The following ASIC2 variants were observed in gnomAD, a reference collection of about 807,000 sequenced individuals.
The protein encoded by ASIC2 is acid sensing ion channel subunit 2, also known as acid-sensing ion channel 2.
A neutral mutation model predicts 57.3 loss-of-function variants in ASIC2; 25 were observed. The observed-to-expected ratio is 0.44, with a 90% CI of 0.32 to 0.61. The LOEUF is 0.61. Among genes scored for constraint, ASIC2 ranks in the 20% least tolerant of loss-of-function variants. The probability of loss-of-function intolerance (pLI) is 0.06; values close to 1 mark genes in which losing one functional copy is unlikely to be tolerated. For synonymous variants in ASIC2, 319 were observed against 307.5 expected, an observed-to-expected ratio of 1.04 and a Z score of -0.39; for missense variants, 641 against 738.1, an observed-to-expected ratio of 0.87 and a Z score of 1.52.
chr17:33,477,853 G>T (rs151236958), intron 1 of ASIC2, among the ~76,000 whole-genome samples: 2 of 152,316 alleles, frequency 1.3e-5, no homozygotes, highest in African/African-American at 4.8e-5. Context: ...GTCATTTCAG[G>T]CAGAGAAAGA....
chr17:33,879,347 T>A (rs964359957), intron 1 of ASIC2, among the ~76,000 whole-genome samples: 4 of 152,214 alleles, frequency 2.6e-5, no homozygotes, highest in African/African-American at 9.7e-5. Context: ...ATCAGTGTGC[T>A]CTATTCAGAA....
chr17:33,148,438 A>G (rs1204172502), intron 1 of ASIC2, among the ~76,000 whole-genome samples: 1 of 152,202 alleles, frequency 6.6e-6, no homozygotes, highest in African/African-American at 2.4e-5. Flanking sequence ...TCACCTAAAC[A>G]TTAGGATGTG....
At chr17:33,505,636 G>A (rs989022205) in intron 1 of ASIC2, among the ~76,000 whole-genome samples, 7 of 152,180 alleles carry the variant, frequency 4.6e-5, no homozygotes, top group African/African-American at 9.7e-5. Flanking sequence ...TCTGGCTTCT[G>A]CCATATCCTC....
At chr17:33,029,585 T>C (rs2091872762) in intron 3 of ASIC2, among the ~76,000 whole-genome samples, 1 of 152,276 alleles carries the variant, frequency 6.6e-6, no homozygotes, top group African/African-American at 2.4e-5. Flanking sequence ...AAAAAACTCC[T>C]ATGAATATTT....
chr17:34,001,143 T>C (rs1445473429), intron 1 of ASIC2: 1 of 152,248 alleles, frequency 6.6e-6, no homozygotes, highest in Non-Finnish European at 1.5e-5. Context: ...TTTCTATGAA[T>C]ATACATAATC....
chr17:33,143,064 G>A (rs1238082917), intron 1 of ASIC2, among the ~76,000 whole-genome samples: 1 of 152,204 alleles, frequency 6.6e-6, no homozygotes, highest in African/African-American at 2.4e-5. Context: ...ACCCAAAGAA[G>A]GATGTGATTG....
intron 1 of ASIC2, among the ~76,000 whole-genome samples, chr17:33,232,430 G>C (rs1346945812): frequency 6.7e-6 from 1 of 150,008 alleles, no homozygotes; most frequent in African/African-American, 2.5e-5. Context: ...GTATGGTATG[G>C]TATGGTATGG....
chr17:33,436,405 C>A (rs1032029312), intron 1 of ASIC2, among the ~76,000 whole-genome samples: 1 of 152,178 alleles, frequency 6.6e-6, no homozygotes, highest in Non-Finnish European at 1.5e-5. Context: ...ATCACCATTA[C>A]AGAACTGAAG....
chr17:34,138,820 A>T (rs1912193665), intron 1 of ASIC2, among the ~76,000 whole-genome samples: 1 of 152,158 alleles, frequency 6.6e-6, no homozygotes, highest in Non-Finnish European at 1.5e-5. Flanking sequence ...TGAATACCTT[A>T]TCCCTTGTCC....
chr17:33,756,015 G>A (rs1293835604), intron 1 of ASIC2, among the ~76,000 whole-genome samples: 2 of 152,244 alleles, frequency 1.3e-5, no homozygotes, highest in Non-Finnish European at 2.9e-5. Flanking sequence ...GCGCATGTGT[G>A]CATGGTCAGT....
chr17:33,812,109 A>C (rs1008719674), intron 1 of ASIC2, among the ~76,000 whole-genome samples: 1 of 152,040 alleles, frequency 6.6e-6, no homozygotes, highest in Non-Finnish European at 1.5e-5. Context: ...CTAATTGTGG[A>C]TATTGTGAAA....
intron 1 of ASIC2, among the ~76,000 whole-genome samples, chr17:33,376,358 ATTTC>A (rs1217634208): frequency 2.1e-5 from 2 of 93,838 alleles, no homozygotes; most frequent in Non-Finnish European, 4.2e-5. Context: ...CAAATTGTCC[ATTTC>A]TTTTTTTTTA....
chr17:33,048,035 A>G (rs2091962019), intron 3 of ASIC2, among the ~76,000 whole-genome samples: 1 of 152,204 alleles, frequency 6.6e-6, no homozygotes, highest in Non-Finnish European at 1.5e-5. Context: ...ATTAAGGTTA[A>G]GCAAGATGAT....
chr17:33,404,623 G>C (rs1190415174), intron 1 of ASIC2, among the ~76,000 whole-genome samples: 1 of 152,188 alleles, frequency 6.6e-6, no homozygotes, highest in African/African-American at 2.4e-5. Flanking sequence ...CCTGTCAAAT[G>C]CATGTTGAGT....
Position 33,934,723 on chromosome 17 carries a change from A to T in ASIC2, c.555+221255T>A, listed in dbSNP as rs182638206. The stretch of plus-strand genomic sequence containing the variant: ...TTAATCAAGAAAGTTCAAAATCATC[A>T]TCTCATGCTTTCTTTCCACCTTAGC... On this transcript the variant is annotated intron_variant, in intron 1 of 9. Transcript: ENST00000359872. Among the ~76,000 whole-genome samples, 5 of 152,326 alleles carry T rather than the reference A, an allele frequency of 3.3e-5. No homozygotes were observed. In the East Asian group the frequency reaches 9.7e-4, roughly 29 times the overall value.
intron 1 of ASIC2, chr17:34,051,854 C>CACAT (rs1567801847): frequency 2.0e-4 from 22 of 111,170 alleles, no homozygotes; most frequent in African/African-American, 7.2e-4. Context: ...CACATACACA[C>CACAT]ACACAGAGAG....
rs368728074 is a variant in ASIC2, at chr17:33,770,222, G to A, written c.555+385756C>T. ...TAGCTTAACTGCTCTTTCTCCACCC[G>A]AATACACTGTGATGGATGCTTTATT... On this transcript the variant is annotated intron_variant, in intron 1 of 9. Transcript: ENST00000359872. Among the ~76,000 whole-genome samples, 49 of 152,290 alleles carry A rather than the reference G, an allele frequency of 3.2e-4. No homozygotes were observed. The East Asian group carries it at 3.7e-3, about 11-fold the overall frequency.
At chr17:33,814,552 G>A (rs1322055719) in intron 1 of ASIC2, among the ~76,000 whole-genome samples, 2 of 152,224 alleles carry the variant, frequency 1.3e-5, no homozygotes, top group Non-Finnish European at 2.9e-5. Context: ...AGACCTGGAA[G>A]ATTTCTCTTA....
At chr17:33,315,112 C>T (rs1906590147) in intron 1 of ASIC2, among the ~76,000 whole-genome samples, 1 of 152,184 alleles carries the variant, frequency 6.6e-6, no homozygotes, top group Admixed American at 6.5e-5. Context: ...TCAGTCTTCT[C>T]ATCTGTATAA....
Sources: gnomAD v4.1 joint callset for allele counts (sites outside exome capture counted in the v4.1 genomes callset) on GRCh38, gnomAD v4.1.1 for gene constraint, MANE v1.5 for transcripts, NCBI Gene and HGNC (gene_info 2026-07-23, HGNC 2026-07-21) for gene names.